Variants in CELA3A observed in about 807,000 individuals in gnomAD.
CELA3A encodes chymotrypsin-like elastase family member 3A.
A neutral mutation model predicts 38.6 loss-of-function variants in CELA3A; 35 were observed. That is an observed-to-expected ratio of 0.91 (90% CI 0.69 to 1.20). The LOEUF is 1.20. Among genes scored for constraint, CELA3A ranks in the 50% most tolerant of loss-of-function variants. The pLI, the probability that CELA3A is intolerant of heterozygous loss-of-function variation, is 0.00. For synonymous variants in CELA3A, 143 were observed against 136.7 expected (o/e 1.05, Z -0.32); for missense variants, 343 against 354.2 (o/e 0.97, Z 0.25).
chr1:22,011,802 C>T (rs1644984975), intron 7 of CELA3A, among the ~76,000 whole-genome samples: 2 of 125,036 alleles, frequency 1.6e-5, no homozygotes, highest in South Asian at 4.9e-4. Flanking sequence ...CACCCGTAAT[C>T]CCACCACTTT....
At chr1:22,009,586 C>A in intron 6 of CELA3A, 119 bp from the exon 7 acceptor site, 1 of 1,234,616 alleles carries the variant, frequency 8.1e-7, no homozygotes, top group Non-Finnish European at 1.1e-6. Flanking sequence ...AAAAAATGAG[C>A]GAGCTAAGGC....
intron 4 of CELA3A, chr1:22,006,217 G>C (rs148787244): frequency 9.3e-6 from 2 of 214,376 alleles, no homozygotes; most frequent in Admixed American, 1.0e-4. Context: ...TCAGGCTCTG[G>C]CATTAACTCT....
At chr1:22,007,192 G>A (rs1024826431) in intron 5 of CELA3A, among the ~76,000 whole-genome samples, 178 bp downstream of exon 5, 1 of 151,528 alleles carries the variant, frequency 6.6e-6, no homozygotes, top group African/African-American at 2.4e-5. Flanking sequence ...ACATGTTTTG[G>A]TATCTTCTGT....
intron 6 of CELA3A, among the ~76,000 whole-genome samples, 155 bp from the exon 7 acceptor site, chr1:22,009,550 T>TA (rs1455775418): frequency 6.6e-6 from 1 of 150,914 alleles, no homozygotes; most frequent in Non-Finnish European, 1.5e-5. Flanking sequence ...AGACTCCATC[T>TA]AAAAAAATAA....
Position 22,006,435 on chromosome 1 carries a change from G to A in CELA3A, c.363-443G>A, listed in dbSNP as rs573946885. Among the ~76,000 whole-genome samples the A allele has an allele frequency of 3.9e-4, 59 of 151,484 alleles. 3 individuals are homozygous for A. The highest frequency in any genetic ancestry group is 1.7e-3 in the South Asian group (8 of 4,814). ...CCAGCTACTGGAAAGGCTGAGGCAGGAGAATCACTTGAACTCGGGAGGCGG... is the reference window on the plus strand; with the variant it reads ...CCAGCTACTGGAAAGGCTGAGGCAGAAGAATCACTTGAACTCGGGAGGCGG... On this transcript the variant is annotated intron_variant, in intron 4 of 7. Coordinates refer to ENST00000290122, the MANE Select transcript of CELA3A (RefSeq NM_005747.5).
chr1:22,005,552 C>T lies in CELA3A; in HGVS notation c.227+8C>T. 3.1e-6 allele frequency: 5 copies of T among 1,612,810 alleles called. No homozygotes were observed. The highest frequency in any genetic ancestry group is 4.2e-6 in the Non-Finnish European group (5 of 1,179,518). On this transcript the variant is annotated splice_region_variant and intron_variant, in intron 3 of 7. Coordinates refer to ENST00000290122, the MANE Select transcript of CELA3A (RefSeq NM_005747.5). ...TGCCGGCCACTGCATCTCGTGAGTT[C>T]TCTACCCTGTCCCTGCCTGTGGCCC... is the stretch of plus-strand genomic sequence containing the variant.
chr1:22,009,509 G>A (rs1486795245), intron 6 of CELA3A, among the ~76,000 whole-genome samples, 196 bp from the exon 7 acceptor site: 4 of 150,642 alleles, frequency 2.7e-5, no homozygotes, highest in Non-Finnish European at 5.9e-5. Flanking sequence ...CCAAGCTTGC[G>A]CCACTGCACT....
intron 5 of CELA3A, 24 bp downstream of exon 5, chr1:22,007,038 G>A (rs370723112): frequency 3.2e-5 from 52 of 1,609,364 alleles, no homozygotes; most frequent in Admixed American, 1.3e-4. Flanking sequence ...TCTCTAGCTG[G>A]CCACAGAGAC....
At position 22,006,359 on chromosome 1, in the gene CELA3A, G is replaced by GA. The variant is rs540031904; in HGVS notation, c.363-513dup. ...ACAATCTTATGCCTTTCAAGTGTAT[G>GA]AAAAAATCTTAACAAATATTAGCCA... On this transcript the variant is annotated intron_variant, in intron 4 of 7. Coordinates refer to ENST00000290122, the MANE Select transcript of CELA3A (RefSeq NM_005747.5). Among the ~76,000 whole-genome samples the GA allele has an allele frequency of 1.8e-3, 274 of 151,148 alleles. 3 individuals are homozygous for GA. The highest frequency in any genetic ancestry group is 0.014 in the Middle Eastern group (4 of 294).
intron 7 of CELA3A, among the ~76,000 whole-genome samples, chr1:22,011,859 C>T (rs2152820101): frequency 8.0e-6 from 1 of 125,570 alleles, no homozygotes; most frequent in South Asian, 2.5e-4. Context: ...TTGAGACCAT[C>T]CTGGCTAACA....
intron 7 of CELA3A, 125 bp downstream of exon 7, chr1:22,009,982 T>C (rs535040397): frequency 2.2e-5 from 30 of 1,386,018 alleles, no homozygotes; most frequent in South Asian, 1.7e-4. Flanking sequence ...GGAAGGGCCC[T>C]TGGGGACATT....
chr1:22,007,072 G>A, intron 5 of CELA3A, 58 bp downstream of exon 5: 1 of 1,593,730 alleles, frequency 6.3e-7, no homozygotes, highest in Non-Finnish European at 8.6e-7. Context: ...CAGGGCCTGG[G>A]GGCTGCAGGT....
intron 5 of CELA3A, 67 bp from the exon 6 acceptor site, chr1:22,007,306 C>G (rs1235773158): frequency 6.5e-7 from 1 of 1,540,620 alleles, no homozygotes; most frequent in East Asian, 2.3e-5. Context: ...CCTTGAATGC[C>G]CCCTTCCTCT....
chr1:22,003,188 T>C (rs41300124), intron 2 of CELA3A, 100 bp downstream of exon 2: 30,189 of 1,177,070 alleles, frequency 0.026, 1,167 homozygotes, highest in East Asian at 0.097. Flanking sequence ...CCCTTTGCAA[T>C]GTCCACTTCA....
At chr1:22,008,491 G>A (rs1237573216) in intron 6 of CELA3A, among the ~76,000 whole-genome samples, 1 of 150,950 alleles carries the variant, frequency 6.6e-6, no homozygotes, top group African/African-American at 2.5e-5. Context: ...TGGGCGCGGT[G>A]GCTCACGCCT....
intron 7 of CELA3A, chr1:22,011,174 G>C (rs181915784): frequency 6.6e-6 from 1 of 151,788 alleles, no homozygotes; most frequent in East Asian, 2.0e-4. Context: ...GAGGTCAGGA[G>C]TTCAAGACCA....
intron 2 of CELA3A, among the ~76,000 whole-genome samples, chr1:22,003,992 C>T (rs1204711468): frequency 1.3e-5 from 2 of 150,980 alleles, no homozygotes; most frequent in African/African-American, 4.9e-5. Context: ...GTGTGAGTCA[C>T]TGCACCCAGC....
In CELA3A at chr1:22,007,221, G is replaced by A. The variant is rs530565139; in HGVS notation, c.500-152G>A. 4.9e-4 allele frequency: 629 copies of A among 1,283,068 alleles called. 23 individuals are homozygous for A. In the African/African-American group the frequency reaches 8.8e-3, roughly 18 times the overall value. 79.5% of individuals were successfully genotyped at this position (1,283,068 alleles called of 1,614,324 possible). A position where few individuals can be genotyped will look rare whatever the true frequency, so the allele number is the denominator to read the frequency against. ...CTTCTGTGTGCCACGTGCTAGGGAT[G>A]TAATGGTGCACAAAGCATGCAGGAC... On this transcript the variant is annotated intron_variant, in intron 5 of 7. Coordinates refer to ENST00000290122, the MANE Select transcript of CELA3A (RefSeq NM_005747.5).
rs1457777511 is a variant in CELA3A at position 22,011,672 on chromosome 1, AT to A, written c.796-776del. On this transcript the variant is annotated intron_variant, in intron 7 of 7. Coordinates refer to ENST00000290122, the MANE Select transcript of CELA3A (RefSeq NM_005747.5). ...CTACTTGGGAGGTTGAGGCAGAAGA[AT>A]TGCTCGAACTCAGGAGGCAGAGGTT... Among the ~76,000 whole-genome samples the A allele has an allele frequency of 3.0e-4, 37 of 124,018 alleles. 11 individuals are homozygous for A. Among genetic ancestry groups the A allele is most frequent in the African/African-American group, 1.0e-3 (31 of 29,938 alleles). The allele number at this position is 124,018 out of a possible 152,430, so 81.4% of individuals were successfully genotyped here.
Sources: gnomAD v4.1 joint callset for allele counts (sites outside exome capture counted in the v4.1 genomes callset) on GRCh38, gnomAD v4.1.1 for gene constraint, MANE v1.5 for transcripts, NCBI Gene and HGNC (gene_info 2026-07-23, HGNC 2026-07-21) for gene names.